Variants in SH2D4A observed in about 807,000 individuals in gnomAD.
The protein encoded by SH2D4A is SH2 domain-containing protein 4A.
A neutral mutation model predicts 64.7 loss-of-function variants in SH2D4A; 70 were observed. The observed-to-expected ratio is 1.08, with a 90% CI of 0.89 to 1.32. SH2D4A has a LOEUF of 1.32. Ranked by LOEUF, SH2D4A falls within the 40% of genes most tolerant of loss-of-function variation. The pLI is 0.00. For synonymous variants in SH2D4A, 268 were observed against 200.7 expected (o/e 1.34, Z -2.83); for missense variants, 706 against 540.1 (o/e 1.31, Z -3.04).
intron 8 of SH2D4A, among the ~76,000 whole-genome samples, chr8:19,376,026 C>T (rs1394896947): frequency 6.6e-6 from 1 of 152,182 alleles, no homozygotes; most frequent in Non-Finnish European, 1.5e-5. Flanking sequence ...AGACACACCA[C>T]ACTTGTCCCT....
At chr8:19,314,761 G>C (rs1469360567) in intron 1 of SH2D4A, among the ~76,000 whole-genome samples, 1 of 152,182 alleles carries the variant, frequency 6.6e-6, no homozygotes, top group African/African-American at 2.4e-5. Flanking sequence ...CATAGATTTG[G>C]CATATGAGTG....
At chr8:19,357,682 G>T (rs1297737873) in intron 5 of SH2D4A, among the ~76,000 whole-genome samples, 1 of 152,148 alleles carries the variant, frequency 6.6e-6, no homozygotes, top group Admixed American at 6.5e-5. Flanking sequence ...GTGAGCAGCT[G>T]CTGTGTCCTC....
intron 8 of SH2D4A, among the ~76,000 whole-genome samples, chr8:19,378,343 T>G (rs1005023850): frequency 6.6e-5 from 10 of 152,216 alleles, no homozygotes; most frequent in African/African-American, 2.4e-4. Context: ...AATCCACCCA[T>G]ATTTTATTTT....
chr8:19,349,593 G>A (rs2052665239), intron 4 of SH2D4A, among the ~76,000 whole-genome samples: 1 of 152,112 alleles, frequency 6.6e-6, no homozygotes, highest in Admixed American at 6.5e-5. Flanking sequence ...ACCACTTCAA[G>A]GTCAGTTGTT....
intron 4 of SH2D4A, among the ~76,000 whole-genome samples, chr8:19,339,208 C>G (rs2052489085): frequency 6.6e-6 from 1 of 152,178 alleles, no homozygotes; most frequent in African/African-American, 2.4e-5. Flanking sequence ...CTAGTCCTTC[C>G]ACGTTCTTCT....
chr8:19,371,740 T>C (rs571160608), intron 7 of SH2D4A, among the ~76,000 whole-genome samples: 25 of 152,338 alleles, frequency 1.6e-4, no homozygotes, highest in African/African-American at 5.5e-4. Flanking sequence ...CCATAAGCTT[T>C]CTTCATGTCA....
chr8:19,382,499 C>T lies in SH2D4A; in HGVS notation c.1048+8839C>T, dbSNP rs34255414. On this transcript the variant is annotated intron_variant, in intron 8 of 9. Transcript: ENST00000265807. ...TCAATAAATTACATGGGATATTCAA[C>T]GCTTATAAAATAGTCTTTGTGTTAG... 5.9e-3 allele frequency among the ~76,000 whole-genome samples: 898 copies of T among 152,188 alleles called. 7 individuals carry two copies. The highest frequency in any genetic ancestry group is 0.014 in the Middle Eastern group (4 of 294).
rs758957922 is a variant in SH2D4A at position 19,373,668 on chromosome 8, C to A, written c.1048+8C>A. ...TAGCCCCCTGGTTCCATGGTGAGTG[C>A]AGAGATTTCCTCAATGGTGTTTCGT... On this transcript the variant is annotated splice_region_variant and intron_variant, in intron 8 of 9. Coordinates refer to ENST00000265807, the MANE Select transcript of SH2D4A (RefSeq NM_022071.4). 5.6e-6 allele frequency: 9 copies of A among 1,612,356 alleles called. No individual in the cohort carries two copies. The highest frequency in any genetic ancestry group is 7.6e-6 in the Non-Finnish European group (9 of 1,179,124).
chr8:19,382,823 CTTTTTTTTTTTT>C (rs1159245319), intron 8 of SH2D4A, among the ~76,000 whole-genome samples: 2 of 64,628 alleles, frequency 3.1e-5, no homozygotes, highest in African/African-American at 5.8e-5. Flanking sequence ...TTTTAAGATT[CTTTTTTTTTTTT>C]TTTTTTTTTT....
chr8:19,388,206 T>C (rs1010967836), intron 8 of SH2D4A, among the ~76,000 whole-genome samples: 3 of 152,168 alleles, frequency 2.0e-5, no homozygotes, highest in Non-Finnish European at 2.9e-5. Flanking sequence ...AACCCCAGAA[T>C]AAGAGACAAG....
intron 8 of SH2D4A, among the ~76,000 whole-genome samples, chr8:19,386,024 G>A (rs1351190986): frequency 6.6e-6 from 1 of 152,130 alleles, no homozygotes; most frequent in African/African-American, 2.4e-5. Flanking sequence ...CATTTACATG[G>A]ATGACTCACA....
At chr8:19,338,754 C>T (rs1320712648) in intron 4 of SH2D4A, among the ~76,000 whole-genome samples, 4 of 152,150 alleles carry the variant, frequency 2.6e-5, no homozygotes, top group Non-Finnish European at 4.4e-5. Context: ...CGAAATGTAC[C>T]ATAATTTGTG....
intron 4 of SH2D4A, among the ~76,000 whole-genome samples, chr8:19,340,476 C>T (rs1257073212): frequency 1.3e-5 from 2 of 151,978 alleles, no homozygotes; most frequent in East Asian, 3.9e-4. Context: ...ACAGGCGTGT[C>T]TGGAGAAAGA....
At chr8:19,328,700 G>T (rs1197566572) in intron 2 of SH2D4A, among the ~76,000 whole-genome samples, 1 of 152,052 alleles carries the variant, frequency 6.6e-6, no homozygotes, top group African/African-American at 2.4e-5. Context: ...TCCAATCCTT[G>T]CACCATCTGC....
chr8:19,324,789 GAC>G (rs1003959766), intron 2 of SH2D4A, among the ~76,000 whole-genome samples: 7 of 152,220 alleles, frequency 4.6e-5, no homozygotes, highest in African/African-American at 1.7e-4. Context: ...AATGCACAGA[GAC>G]ACCATTCTGT....
intron 2 of SH2D4A, among the ~76,000 whole-genome samples, chr8:19,332,221 C>T (rs896142562): frequency 5.9e-5 from 9 of 152,208 alleles, no homozygotes; most frequent in Non-Finnish European, 1.2e-4. Flanking sequence ...CTGTGGAATT[C>T]TGGGTTACAG....
chr8:19,373,422 G>A, intron 7 of SH2D4A, 108 bp from the exon 8 acceptor site: 1 of 645,642 alleles, frequency 1.5e-6, no homozygotes, highest in Non-Finnish European at 2.2e-6. Context: ...GTATATATAT[G>A]CATGTATATG....
intron 7 of SH2D4A, 81 bp from the exon 8 acceptor site, chr8:19,373,449 T>TAC: frequency 2.3e-6 from 2 of 861,660 alleles, no homozygotes; most frequent in Non-Finnish European, 3.2e-6. Flanking sequence ...TGTGTGTATA[T>TAC]ATATATATAT....
chr8:19,394,480 C>T (rs1321641694), intron 9 of SH2D4A, 70 bp from the exon 10 acceptor site: 2 of 1,072,940 alleles, frequency 1.9e-6, no homozygotes, highest in East Asian at 2.7e-5. Flanking sequence ...CTAGTGATGT[C>T]CTCTGAGGAA....
Sources: gnomAD v4.1 joint callset for allele counts (sites outside exome capture counted in the v4.1 genomes callset) on GRCh38, gnomAD v4.1.1 for gene constraint, MANE v1.5 for transcripts, NCBI Gene and HGNC (gene_info 2026-07-23, HGNC 2026-07-21) for gene names.